MYO1D: variants seen among roughly 807,000 people sequenced by gnomAD.
MYO1D encodes myosin ID, also known as unconventional myosin-Id.
MYO1D carries 83 observed loss-of-function variants against 122.0 expected under a neutral mutation model. The observed-to-expected ratio is 0.68, with a 90% confidence interval of 0.57 to 0.82. The LOEUF is 0.82. Ranked by LOEUF, MYO1D falls within the 40% of genes least tolerant of loss-of-function variation. The pLI, the probability that MYO1D is intolerant of heterozygous loss-of-function variation, is 0.00. For synonymous variants in MYO1D, 464 were observed against 446.9 expected (o/e 1.04, Z -0.48); for missense variants, 1,157 against 1,269.5 (o/e 0.91, Z 1.35).
At chr17:32,552,154 C>T (rs1296474451) in intron 21 of MYO1D, among the ~76,000 whole-genome samples, 1 of 152,230 alleles carries the variant, frequency 6.6e-6, no homozygotes, top group Non-Finnish European at 1.5e-5. Flanking sequence ...TGGCTCACTG[C>T]AGCCTCAGCC....
intron 19 of MYO1D, among the ~76,000 whole-genome samples, chr17:32,647,126 G>A (rs980053321): frequency 6.6e-6 from 1 of 152,146 alleles, no homozygotes; most frequent in Admixed American, 6.5e-5. Flanking sequence ...ACCACAGGGG[G>A]CCACAGATAA....
chr17:32,632,044 G>A (rs1374094988), intron 20 of MYO1D, among the ~76,000 whole-genome samples: 1 of 152,076 alleles, frequency 6.6e-6, no homozygotes, highest in Non-Finnish European at 1.5e-5. Context: ...TTCCTTCCTT[G>A]CTAACTAAAG....
In MYO1D at chr17:32,513,589, T is replaced by G. The variant is rs2099793193; in HGVS notation, c.2865-18674A>C. On this transcript the variant is annotated intron_variant, in intron 21 of 21. Coordinates refer to ENST00000318217, the MANE Select transcript of MYO1D (RefSeq NM_015194.3). ...AATAGATGTAATCCAGCAAGGTAGA[T>G]CATATGTCAAAACAGTTTATCATGT... is the stretch of plus-strand genomic sequence containing the variant. Among the ~76,000 whole-genome samples the G allele has an allele frequency of 2.0e-5, 3 of 152,214 alleles. No homozygotes were observed. In the South Asian group the frequency reaches 6.2e-4, roughly 32 times the overall value.
intron 7 of MYO1D, among the ~76,000 whole-genome samples, chr17:32,766,998 C>G (rs2090065945): frequency 6.6e-6 from 1 of 152,082 alleles, no homozygotes; most frequent in South Asian, 2.1e-4. Flanking sequence ...TTAAATCTTG[C>G]TATATTAAGT....
intron 19 of MYO1D, among the ~76,000 whole-genome samples, chr17:32,639,162 G>A (rs2088151733): frequency 6.6e-6 from 1 of 151,866 alleles, no homozygotes; most frequent in South Asian, 2.1e-4. Context: ...ACTTGTATCT[G>A]GACTATGTAA....
rs992109229 is a variant in MYO1D, at chr17:32,818,057, C to T, written c.96-37273G>A. ...AGGAGAATGGCGTGAACCCGGGAGG[C>T]GGAGCTTGCAGTGAGCCGAGATCCC... On this transcript the variant is annotated intron_variant, in intron 1 of 21. Transcript: ENST00000318217. Among the ~76,000 whole-genome samples the T allele has an allele frequency of 5.2e-5, 7 of 134,858 alleles. No individual in the cohort carries two copies. In the East Asian group the frequency reaches 1.3e-3, roughly 26 times the overall value. The allele number at this position is 134,858 out of a possible 152,430, so 88.5% of individuals were successfully genotyped here. A position where few individuals can be genotyped will look rare whatever the true frequency, so the allele number is the denominator to read the frequency against.
chr17:32,764,736 G>A, intron 8 of MYO1D, 142 bp downstream of exon 8: 1 of 883,608 alleles, frequency 1.1e-6, no homozygotes, highest in Non-Finnish European at 1.7e-6. Flanking sequence ...TTTTACCGAG[G>A]CTTGTATGGC....
At chr17:32,679,436 A>G (rs1334604673) in intron 16 of MYO1D, among the ~76,000 whole-genome samples, 1 of 152,030 alleles carries the variant, frequency 6.6e-6, no homozygotes, top group Non-Finnish European at 1.5e-5. Flanking sequence ...TGATTTTTGT[A>G]TAAGGTGTAA....
At chr17:32,696,214 G>C (rs9904735) in intron 16 of MYO1D, among the ~76,000 whole-genome samples, 6,046 of 151,978 alleles carry the variant, frequency 0.04, 407 homozygotes, top group African/African-American at 0.14. Context: ...GTACAAAAAT[G>C]TTCACTGTGG....
chr17:32,675,720 A>G (rs17780664), intron 16 of MYO1D, among the ~76,000 whole-genome samples: 22,505 of 152,086 alleles, frequency 0.15, 2,149 homozygotes, highest in Middle Eastern at 0.24. Flanking sequence ...TTCTTCATAA[A>G]TTAAGTGAAC....
intron 16 of MYO1D, among the ~76,000 whole-genome samples, chr17:32,664,967 G>A (rs2150957096): frequency 1.3e-5 from 2 of 152,036 alleles, no homozygotes; most frequent in South Asian, 2.1e-4. Flanking sequence ...CTCATCTCCC[G>A]CTGTCCTCTC....
intron 21 of MYO1D, among the ~76,000 whole-genome samples, chr17:32,511,548 G>A (rs1262987503): frequency 6.6e-6 from 1 of 151,160 alleles, no homozygotes; most frequent in Non-Finnish European, 1.5e-5. Context: ...TTGCTCTAAT[G>A]TCTGTAGGGC....
intron 20 of MYO1D, among the ~76,000 whole-genome samples, chr17:32,632,086 A>T (rs1302080380): frequency 2.6e-5 from 4 of 152,158 alleles, no homozygotes; most frequent in Non-Finnish European, 5.9e-5. Context: ...GCTTGCACCC[A>T]ATTATAGCTC....
rs577918145 is a variant in MYO1D at position 32,856,369 on chromosome 17, C to T, written c.95+20409G>A. On this transcript the variant is annotated intron_variant, in intron 1 of 21. Coordinates refer to ENST00000318217, the MANE Select transcript of MYO1D (RefSeq NM_015194.3). ...CTTCCCATCATTACCTATTCACACT[C>T]AACTCTCTTGGCTTAAAAAGTAGCA... Among the ~76,000 whole-genome samples the T allele has an allele frequency of 1.4e-4, 22 of 152,314 alleles. 1 individual carries two copies. The highest frequency in any genetic ancestry group is 5.3e-4 in the African/African-American group (22 of 41,568).
At chr17:32,867,536 C>T (rs759234564) in intron 1 of MYO1D, among the ~76,000 whole-genome samples, 18 of 151,984 alleles carry the variant, frequency 1.2e-4, no homozygotes, top group Non-Finnish European at 2.5e-4. Context: ...GTGACCCACG[C>T]CTGTAATCCC....
intron 3 of MYO1D, 85 bp downstream of exon 3, chr17:32,778,395 C>A: frequency 7.5e-7 from 1 of 1,340,642 alleles, no homozygotes; most frequent in Non-Finnish European, 1.1e-6. Flanking sequence ...CCCCAAAATG[C>A]TCAACCCCTA....
rs890412201 is a variant in MYO1D, at chr17:32,653,919, G to C, written c.2519C>G (p.Thr840Ser). ...CAATTCATTAGCAACAGGGACAAAA[G>C]TGCCTGAGGTCTGAGGTGTATCTGG... is the stretch of plus-strand genomic sequence containing the variant. ...SKPDTPQTSG[T>S]FVPVANELKR... Residue 840 changes from threonine (T) to serine (S), a missense_variant, in exon 19 of 22, where the codon ACT becomes AGT. By Grantham distance (58) the Thr-to-Ser change is moderately conservative. Transcript: ENST00000318217. The C allele has an allele frequency of 2.5e-6, 4 of 1,613,862 alleles. No individual in the cohort carries two copies. Among genetic ancestry groups the C allele is most frequent in the African/African-American group, 1.3e-5 (1 of 74,944 alleles).
intron 21 of MYO1D, among the ~76,000 whole-genome samples, chr17:32,601,837 TATTA>T (rs1022219406): frequency 1.8e-4 from 28 of 152,378 alleles, no homozygotes; most frequent in African/African-American, 6.0e-4. Context: ...ACCTGTACTT[TATTA>T]AAGATTGTCT....
chr17:32,508,034 T>C (rs1308673711), intron 21 of MYO1D, among the ~76,000 whole-genome samples: 6 of 152,002 alleles, frequency 3.9e-5, no homozygotes, highest in Non-Finnish European at 5.9e-5. Context: ...GTAGCTGGGA[T>C]TACAGGCATG....
Sources: allele counts gnomAD v4.1 joint callset (sites outside exome capture counted in the v4.1 genomes callset), GRCh38; gene constraint gnomAD v4.1.1; transcripts MANE v1.5; gene names NCBI Gene and HGNC (gene_info 2026-07-23, HGNC 2026-07-21).